Variants in STK32B observed in about 807,000 individuals in gnomAD.
The protein encoded by STK32B is serine/threonine kinase 32B, also known as serine/threonine-protein kinase 32B.
A neutral mutation model predicts 52.6 loss-of-function variants in STK32B; 43 were observed. The ratio of observed to expected loss-of-function variants is 0.82; its 90% CI spans 0.64 to 1.05. The LOEUF is 1.05. STK32B is among the 50% of genes least tolerant of loss of function. The pLI is 0.00. For missense variants in STK32B, 621 were observed against 534.6 expected, an observed-to-expected ratio of 1.16 and a Z score of -1.59; for synonymous variants, 238 against 204.3, an observed-to-expected ratio of 1.17 and a Z score of -1.41.
the STK32B span, among the ~76,000 whole-genome samples, chr4:5,033,314 C>G: frequency 1.4e-4 from 21 of 152,266 alleles, no homozygotes; most frequent in African/African-American, 4.8e-4. Context: ...GGCCATGGCC[C>G]GTGGAAACCC....
intron 3 of STK32B, among the ~76,000 whole-genome samples, chr4:5,298,839 A>C (rs1371010337): frequency 9.3e-6 from 1 of 107,004 alleles, no homozygotes; most frequent in Non-Finnish European, 1.7e-5. Flanking sequence ...TGGGGTATGC[A>C]AAAAAAAAAA....
intron 3 of STK32B, among the ~76,000 whole-genome samples, chr4:5,237,141 A>T (rs1207481615): frequency 6.6e-6 from 1 of 152,198 alleles, no homozygotes; most frequent in Non-Finnish European, 1.5e-5. Flanking sequence ...GCTGGAATTA[A>T]GGCTAAAGTC....
chr4:5,450,129 A>G (rs739965), intron 7 of STK32B, among the ~76,000 whole-genome samples: 21,426 of 152,110 alleles, frequency 0.14, 1,719 homozygotes, highest in East Asian at 0.28. Flanking sequence ...TAGGCTAGAC[A>G]AGAGACCTAA....
At chr4:5,310,842 T>C (rs1403224271) in intron 3 of STK32B, among the ~76,000 whole-genome samples, 1 of 152,194 alleles carries the variant, frequency 6.6e-6, no homozygotes, top group Non-Finnish European at 1.5e-5. Context: ...ATGTACATGA[T>C]AGAGTACTAT....
At chr4:5,145,107 A>AT (rs534405123) in intron 2 of STK32B, among the ~76,000 whole-genome samples, 2 of 152,060 alleles carry the variant, frequency 1.3e-5, no homozygotes, top group South Asian at 2.1e-4. Flanking sequence ...TACCCATATG[A>AT]TTTTTTTCTC....
chr4:5,058,628 T>C lies in STK32B; in HGVS notation c.52+6713T>C, dbSNP rs1381676847. ...GCCCAGCTGGAGTGCAGTGGTGTGA[T>C]TGTGACTCACTGCAGCCTCAACCTC... On this transcript the variant is annotated intron_variant, in intron 1 of 11. Transcript: ENST00000282908. This position sits in a 1 kb window ranked among gnomAD's most constrained non-coding sequence, Gnocchi z 4.8. 6.6e-6 allele frequency among the ~76,000 whole-genome samples: 1 copy of C among 152,162 alleles called. No homozygotes were observed. The highest frequency in any genetic ancestry group is 1.5e-5 in the Non-Finnish European group (1 of 68,032).
intron 3 of STK32B, among the ~76,000 whole-genome samples, chr4:5,201,819 T>G (rs1157342691): frequency 6.6e-6 from 1 of 152,056 alleles, no homozygotes; most frequent in Non-Finnish European, 1.5e-5. Context: ...GGTAAACTGG[T>G]CCCATGATCA....
intron 1 of STK32B, among the ~76,000 whole-genome samples, chr4:5,065,784 C>T (rs983682314): frequency 2.0e-5 from 3 of 152,118 alleles, no homozygotes; most frequent in Non-Finnish European, 4.4e-5. Flanking sequence ...AGAGCAGTAG[C>T]GTGATCTTGG....
At chr4:5,286,793 A>G (rs1202186510) in intron 3 of STK32B, among the ~76,000 whole-genome samples, 9 of 126,004 alleles carry the variant, frequency 7.1e-5, no homozygotes, top group Admixed American at 6.9e-4. Context: ...ATACAGATGT[A>G]CTTTTTTTTT....
At chr4:5,382,410 G>A (rs1296340060) in intron 4 of STK32B, among the ~76,000 whole-genome samples, 6 of 152,094 alleles carry the variant, frequency 3.9e-5, no homozygotes, top group African/African-American at 7.2e-5. Context: ...GAACGGTGCC[G>A]GATAATACAG....
Position 5,456,929 on chromosome 4 carries a change from G to A in STK32B, c.783+6G>A. On this transcript the variant is annotated splice_donor_region_variant and intron_variant, in intron 8 of 11. Transcript: ENST00000282908. ...TGGTGGCCCTGCTGAGGAAGGTAAG[G>A]GGGCAGCTTCCAGCCTGCCCCGCCA... is the stretch of plus-strand genomic sequence containing the variant. The A allele has an allele frequency of 1.3e-6, 2 of 1,526,608 alleles. No individual in the cohort carries two copies. Among genetic ancestry groups the A allele is most frequent in the Non-Finnish European group, 1.8e-6 (2 of 1,132,424 alleles). The allele number at this position is 1,526,608 out of a possible 1,614,324, so 94.6% of individuals were successfully genotyped here.
At position 5,431,510 on chromosome 4, in the gene STK32B, C is replaced by CTTT. The variant is rs11403448; in HGVS notation, c.562+14585_562+14587dup. ...TTCTCCATGAAAACTTCCAAAAGTC[C>CTTT]TTTTTTTTTTTATTTACTAGTTGAA... On this transcript the variant is annotated intron_variant, in intron 6 of 11. Coordinates refer to ENST00000282908, the MANE Select transcript of STK32B (RefSeq NM_018401.3). Among the ~76,000 whole-genome samples the CTTT allele has an allele frequency of 4.0e-3, 601 of 148,966 alleles. 1 individual carries two copies. The highest frequency in any genetic ancestry group is 0.014 in the African/African-American group (560 of 40,716).
chr4:5,058,097 T>G lies in STK32B; in HGVS notation c.52+6182T>G, dbSNP rs79387826. Among the ~76,000 whole-genome samples the G allele has an allele frequency of 9.9e-3, 1,504 of 152,266 alleles. 26 individuals are homozygous for G. The highest frequency in any genetic ancestry group is 0.033 in the African/African-American group (1,368 of 41,560). On this transcript the variant is annotated intron_variant, in intron 1 of 11. Transcript: ENST00000282908. This position sits in a 1 kb window ranked among gnomAD's most constrained non-coding sequence, Gnocchi z 4.8. ...CTTGATTTTTGTGACCTCCTTGGAG[T>G]ACCCTTATGCATTGAAGATTTTGGC...
chr4:5,335,932 G>T (rs544056574), intron 4 of STK32B, among the ~76,000 whole-genome samples: 1 of 151,376 alleles, frequency 6.6e-6, no homozygotes, highest in Non-Finnish European at 1.5e-5. Flanking sequence ...GTGTGGTGTG[G>T]TGCTGAAAAC....
intron 3 of STK32B, among the ~76,000 whole-genome samples, chr4:5,271,375 T>C (rs1255417318): frequency 6.6e-6 from 1 of 152,192 alleles, no homozygotes; most frequent in Admixed American, 6.5e-5. Flanking sequence ...TGGAGATGGA[T>C]GCCTTATTGA....
At chr4:5,230,316 A>G (rs1276377149) in intron 3 of STK32B, among the ~76,000 whole-genome samples, 1 of 150,394 alleles carries the variant, frequency 6.6e-6, no homozygotes, top group African/African-American at 2.5e-5. Context: ...CAGCCTCCAG[A>G]GTAGCTGGGA....
At chr4:5,315,858 C>G (rs1365210033) in intron 3 of STK32B, among the ~76,000 whole-genome samples, 1 of 150,906 alleles carries the variant, frequency 6.6e-6, no homozygotes, top group East Asian at 1.9e-4. Context: ...GTGCATGCCA[C>G]CACGCCCAGC....
At chr4:5,308,991 A>G (rs1243686243) in intron 3 of STK32B, among the ~76,000 whole-genome samples, 1 of 152,100 alleles carries the variant, frequency 6.6e-6, no homozygotes, top group Non-Finnish European at 1.5e-5. Context: ...GATCTTATGT[A>G]TAGAAAACCC....
At chr4:5,199,492 G>GTT (rs75767057) in intron 3 of STK32B, among the ~76,000 whole-genome samples, 5,217 of 141,524 alleles carry the variant, frequency 0.037, 294 homozygotes, top group African/African-American at 0.13. Context: ...TGTGAATGCT[G>GTT]TTTTTTTTTT....
Sources: gnomAD v4.1 joint callset for allele counts (sites outside exome capture counted in the v4.1 genomes callset) on GRCh38, gnomAD v4.1.1 for gene constraint, Gnocchi (gnomAD v3.1) non-coding constraint, MANE v1.5 for transcripts, NCBI Gene and HGNC (gene_info 2026-07-23, HGNC 2026-07-21) for gene names.